Variants in ARAP2 observed in about 807,000 individuals in gnomAD.
The protein encoded by ARAP2 is ArfGAP with RhoGAP domain, ankyrin repeat and PH domain 2.
ARAP2 carries 148 observed loss-of-function variants against 194.5 expected under a neutral mutation model. That is an observed-to-expected ratio of 0.76 (90% confidence interval 0.67 to 0.87). The LOEUF is 0.87. Among genes scored for constraint, ARAP2 ranks in the 40% least tolerant of loss-of-function variants. The pLI is 0.00. For synonymous variants in ARAP2, 695 were observed against 683.5 expected (o/e 1.02, Z -0.26); for missense variants, 2,128 against 1,989.7 (o/e 1.07, Z -1.32).
intron 5 of ARAP2, among the ~76,000 whole-genome samples, chr4:36,043,794 A>AGAAGAGAAGG (rs1721269169): frequency 3.7e-5 from 1 of 26,900 alleles, no homozygotes; most frequent in Admixed American, 5.9e-4. Context: ...AGAAGAGAAG[A>AGAAGAGAAGG]GAAGGGAAGG....
At chr4:36,008,163 T>C (rs1713702529) in intron 9 of ARAP2, among the ~76,000 whole-genome samples, 1 of 152,134 alleles carries the variant, frequency 6.6e-6, no homozygotes, top group South Asian at 2.1e-4. Context: ...AAATTACTAA[T>C]GTCATTTTTT....
At chr4:36,052,930 T>C (rs114863627) in intron 2 of ARAP2, among the ~76,000 whole-genome samples, 1,893 of 152,238 alleles carry the variant, frequency 0.012, 41 homozygotes, top group African/African-American at 0.043. Flanking sequence ...GATAGCACCA[T>C]GAATTCATCT....
intron 6 of ARAP2, among the ~76,000 whole-genome samples, chr4:36,208,873 C>G (rs557700217): frequency 2.3e-4 from 33 of 146,108 alleles, no homozygotes; most frequent in Middle Eastern, 3.4e-3. Context: ...GCAATTATTT[C>G]CCCTAAAATG....
intron 5 of ARAP2, among the ~76,000 whole-genome samples, chr4:36,029,807 G>T (rs1718612404): frequency 6.6e-6 from 1 of 151,512 alleles, no homozygotes; most frequent in South Asian, 2.1e-4. Context: ...CCTTAATTAG[G>T]TCTCCTCTCT....
chr4:36,203,912 CA>C lies in ARAP2; in HGVS notation c.1487+6477del, dbSNP rs377002451. On this transcript the variant is annotated intron_variant, in intron 6 of 32. Coordinates refer to ENST00000303965, the MANE Select transcript of ARAP2 (RefSeq NM_015230.4). ...AGAAATAGACTCTACAGGAAAGCGT[CA>C]AAAAAAAAGTATTAGTATCTTCAGA... Among the ~76,000 whole-genome samples, 7 of 149,328 alleles carry C rather than the reference CA, an allele frequency of 4.7e-5. No individual in the cohort carries two copies. In the East Asian group the frequency reaches 7.8e-4, roughly 17 times the overall value.
intron 5 of ARAP2, among the ~76,000 whole-genome samples, chr4:36,211,459 C>G (rs1236988476): frequency 6.6e-6 from 1 of 152,214 alleles, no homozygotes; most frequent in East Asian, 1.9e-4. Context: ...ACATTTTTTG[C>G]TAATCAATGA....
chr4:36,047,465 C>T (rs546889227), intron 3 of ARAP2, among the ~76,000 whole-genome samples: 1 of 152,330 alleles, frequency 6.6e-6, no homozygotes, highest in South Asian at 2.1e-4. Context: ...CTGGTCTTTT[C>T]AACACAACCA....
intron 5 of ARAP2, among the ~76,000 whole-genome samples, chr4:36,045,757 G>T (rs1246277115): frequency 6.6e-6 from 1 of 152,106 alleles, no homozygotes; most frequent in Non-Finnish European, 1.5e-5. Context: ...TAATTAGACT[G>T]ATTTGATCAT....
chr4:36,132,267 C>T (rs929724980), intron 20 of ARAP2, among the ~76,000 whole-genome samples: 7 of 151,624 alleles, frequency 4.6e-5, no homozygotes, highest in African/African-American at 1.7e-4. Context: ...AACAAGCACT[C>T]GATAAAGAAG....
chr4:36,007,056 G>GA (rs1001276784), intron 9 of ARAP2: 2 of 151,166 alleles, frequency 1.3e-5, no homozygotes, highest in Non-Finnish European at 3.0e-5. Flanking sequence ...TCTAAAGAAG[G>GA]AAAAAAAGAG....
chr4:36,182,890 A>C (rs1739606507), intron 8 of ARAP2, among the ~76,000 whole-genome samples: 1 of 152,134 alleles, frequency 6.6e-6, no homozygotes. Context: ...GTTACTAGGC[A>C]CCCATGTTGG....
chr4:36,200,031 C>CA (rs11427998), intron 6 of ARAP2, among the ~76,000 whole-genome samples: 132,717 of 152,164 alleles, frequency 0.87, 58,257 homozygotes, highest in East Asian at 1. Flanking sequence ...AAAATGTATG[C>CA]ATTTGATACT....
intron 19 of ARAP2, among the ~76,000 whole-genome samples, chr4:36,144,440 C>A (rs1729129264): frequency 6.6e-6 from 1 of 151,770 alleles, no homozygotes; most frequent in African/African-American, 2.4e-5. Context: ...TATTTCTGGA[C>A]ATAAAATTAA....
chr4:36,196,721 T>C (rs1338556404), intron 6 of ARAP2, among the ~76,000 whole-genome samples: 1 of 152,006 alleles, frequency 6.6e-6, no homozygotes. Flanking sequence ...ACTCCTACCA[T>C]CGAAAGTTGG....
At chr4:36,148,362 C>CA in intron 17 of ARAP2, 43 bp downstream of exon 17, 1 of 1,473,752 alleles carries the variant, frequency 6.8e-7, no homozygotes. Context: ...TCCCAGTTCA[C>CA]AATCTTCTCT....
chr4:36,239,264 CA>C (rs1356876344), intron 1 of ARAP2, among the ~76,000 whole-genome samples: 84 of 136,752 alleles, frequency 6.1e-4, no homozygotes, highest in Admixed American at 5.1e-4. Context: ...GATGCTGTCT[CA>C]AAAAAAAAAA....
chr4:36,210,428 C>T lies in ARAP2; in HGVS notation c.1449G>A (p.Lys483=), dbSNP rs577846450. Residue 483 remains lysine, a synonymous_variant, in exon 6 of 33, where the codon AAG becomes AAA. Coordinates refer to ENST00000303965, the MANE Select transcript of ARAP2 (RefSeq NM_015230.4). Reference sequence around the variant, plus strand: ...GTTTATCCAGCCATCCTGATTTAACCTTCTTTGCAGATGCTCCATAAAAGC... The same window carrying T: ...GTTTATCCAGCCATCCTGATTTAACTTTCTTTGCAGATGCTCCATAAAAGC... ...YACFYGASAK[K]VKSGWLDKLS... is the part of the protein sequence containing the mutation. The T allele has an allele frequency of 6.2e-7, 1 of 1,613,314 alleles. No individual in the cohort carries two copies. The highest frequency in any genetic ancestry group is 2.2e-5 in the East Asian group (1 of 44,860).
At chr4:36,216,128 T>A (rs895399575) in intron 2 of ARAP2, among the ~76,000 whole-genome samples, 1 of 150,082 alleles carries the variant, frequency 6.7e-6, no homozygotes, top group African/African-American at 2.4e-5. Context: ...TGGTGGTGCA[T>A]GCCTGTAGTC....
intron 27 of ARAP2, among the ~76,000 whole-genome samples, chr4:36,101,211 G>T (rs1034075383): frequency 6.6e-6 from 1 of 151,860 alleles, no homozygotes; most frequent in East Asian, 1.9e-4. Flanking sequence ...CAGGTGGCAG[G>T]GGGGAGACGT....
Sources: allele counts gnomAD v4.1 joint callset (sites outside exome capture counted in the v4.1 genomes callset), GRCh38; gene constraint gnomAD v4.1.1; transcripts MANE v1.5; gene names NCBI Gene and HGNC (gene_info 2026-07-23, HGNC 2026-07-21).